ANK1: variants seen among roughly 807,000 people sequenced by gnomAD.
ANK1 encodes ankyrin-1.
In ANK1, 51 loss-of-function variants were observed where a neutral mutation model predicts 210.4. The ratio of observed to expected loss-of-function variants is 0.24; its 90% CI spans 0.19 to 0.31. The LOEUF (loss-of-function observed/expected upper bound fraction) is 0.31. Among genes scored for constraint, ANK1 ranks in the 10% least tolerant of loss-of-function variants. The pLI is 1.00. For missense variants in ANK1, 2,051 were observed against 2,504.4 expected, an observed-to-expected ratio of 0.82 and a Z score of 3.86; for synonymous variants, 967 against 1,025.9, an observed-to-expected ratio of 0.94 and a Z score of 1.10.
intron 1 of ANK1, among the ~76,000 whole-genome samples, chr8:41,888,604 C>T (rs1163003816): frequency 6.6e-6 from 1 of 152,240 alleles, no homozygotes; most frequent in East Asian, 1.9e-4. Context: ...ACAATCATGG[C>T]AGCAATGCCA....
In ANK1 at chr8:41,825,453, G is replaced by A. The variant is rs138810240; in HGVS notation, c.127-67316C>T. Reference sequence around the variant, plus strand: ...CACACTCTGGCCTCCCATGTCCACCGTACAGTCAGAAGTCGTTTTGGCCAC... The same window carrying A: ...CACACTCTGGCCTCCCATGTCCACCATACAGTCAGAAGTCGTTTTGGCCAC... On this transcript the variant is annotated intron_variant, in intron 1 of 42. Coordinates refer to the ANK1 transcript ENST00000265709. Among the ~76,000 whole-genome samples the A allele has an allele frequency of 1.1e-4, 17 of 152,254 alleles. No homozygotes were observed. The East Asian group carries it at 1.3e-3, about 12-fold the overall frequency.
At chr8:41,711,450 C>T (rs1826098799) in intron 16 of ANK1, among the ~76,000 whole-genome samples, 1 of 152,214 alleles carries the variant, frequency 6.6e-6, no homozygotes, top group South Asian at 2.1e-4. Context: ...GATCATAAGA[C>T]TAACCAAAGG....
chr8:41,720,719 G>A (rs549442138), intron 9 of ANK1, among the ~76,000 whole-genome samples: 2 of 152,228 alleles, frequency 1.3e-5, no homozygotes, highest in East Asian at 3.9e-4. Flanking sequence ...GAGGGGCACT[G>A]GGAGGGAGGA....
chr8:41,698,494 G>A (rs183933599), intron 23 of ANK1, among the ~76,000 whole-genome samples: 37 of 152,204 alleles, frequency 2.4e-4, no homozygotes, highest in African/African-American at 8.7e-4. Flanking sequence ...TTCAAATGGA[G>A]TAAATGGCCC....
chr8:41,834,785 C>T (rs556130603), intron 1 of ANK1, among the ~76,000 whole-genome samples: 2 of 152,344 alleles, frequency 1.3e-5, no homozygotes, highest in African/African-American at 4.8e-5. Context: ...GGCTCAGCAT[C>T]GCTGTCTGTC....
intron 2 of ANK1, among the ~76,000 whole-genome samples, chr8:41,739,712 G>A (rs1128383): frequency 1.3e-5 from 2 of 152,006 alleles, no homozygotes; most frequent in Non-Finnish European, 2.9e-5. Context: ...TTTGAGTTTT[G>A]TTGTTACTTT....
At chr8:41,848,820 T>C (rs954699932) in intron 1 of ANK1, among the ~76,000 whole-genome samples, 2 of 152,110 alleles carry the variant, frequency 1.3e-5, no homozygotes, top group African/African-American at 2.4e-5. Context: ...ACTGGATACA[T>C]CAAGTCCAAG....
chr8:41,711,343 A>C (rs565458566), intron 16 of ANK1, among the ~76,000 whole-genome samples: 1 of 152,340 alleles, frequency 6.6e-6, no homozygotes, highest in Non-Finnish European at 1.5e-5. Flanking sequence ...TTAAAAACTG[A>C]ATTCCCAGCC....
intron 39 of ANK1, chr8:41,665,548 C>T: frequency 6.1e-6 from 2 of 328,930 alleles, no homozygotes; most frequent in South Asian, 2.4e-5. Context: ...GAAAATAATA[C>T]AGTCCGAGAA....
intron 1 of ANK1, among the ~76,000 whole-genome samples, chr8:41,844,378 C>A (rs566795640): frequency 6.6e-6 from 1 of 152,164 alleles, no homozygotes; most frequent in African/African-American, 2.4e-5. Context: ...GGAACAGAGA[C>A]CCTCTGTACC....
At position 41,655,627 on chromosome 8, in the gene ANK1, C is replaced by G; in HGVS notation, c.*163G>C. The G allele has an allele frequency of 6.9e-7, 1 of 1,455,022 alleles. No homozygotes were observed. Among genetic ancestry groups the G allele is most frequent in the Non-Finnish European group, 9.6e-7 (1 of 1,040,152 alleles). 90.1% of individuals were successfully genotyped at this position (1,455,022 alleles called of 1,614,324 possible). A position where few individuals can be genotyped will look rare whatever the true frequency, so the allele number is the denominator to read the frequency against. On this transcript the variant is annotated 3_prime_UTR_variant, in exon 43 of 43. Transcript: ENST00000289734. ...GCCAAGAGGGGACTAGCAGGAGTCC[C>G]TTACAGAGGTCATGCCGTCAGCCCA...
intron 1 of ANK1, among the ~76,000 whole-genome samples, chr8:41,842,465 C>T (rs922758124): frequency 5.9e-5 from 9 of 151,898 alleles, no homozygotes; most frequent in African/African-American, 2.2e-4. Context: ...TGCCCTCCAG[C>T]CCAGGCAACA....
At chr8:41,703,662 A>T (rs955041943) in intron 20 of ANK1, among the ~76,000 whole-genome samples, 5 of 150,190 alleles carry the variant, frequency 3.3e-5, no homozygotes, top group African/African-American at 7.3e-5. Flanking sequence ...AATTAAAAAA[A>T]TTTTTTTTTG....
chr8:41,893,561 CA>C (rs1819857828), intron 1 of ANK1, among the ~76,000 whole-genome samples: 1 of 152,204 alleles, frequency 6.6e-6, no homozygotes, highest in Non-Finnish European at 1.5e-5. Flanking sequence ...CAACCATCGC[CA>C]AAGTTACAAC....
intron 1 of ANK1, among the ~76,000 whole-genome samples, chr8:41,808,762 T>A (rs1851350093): frequency 6.6e-6 from 1 of 152,152 alleles, no homozygotes; most frequent in African/African-American, 2.4e-5. Flanking sequence ...CTTCCTAAAT[T>A]TTTTTTGCTA....
At chr8:41,751,055 G>A (rs1837590455) in intron 2 of ANK1, among the ~76,000 whole-genome samples, 1 of 152,176 alleles carries the variant, frequency 6.6e-6, no homozygotes, top group Admixed American at 6.5e-5. Context: ...AGGGGACACA[G>A]GCCGGCACTG....
chr8:41,853,290 A>G (rs1244928446), intron 1 of ANK1, among the ~76,000 whole-genome samples: 3 of 152,244 alleles, frequency 2.0e-5, no homozygotes, highest in Non-Finnish European at 2.9e-5. Flanking sequence ...GATTTACTCT[A>G]CAAAAATGTC....
intron 3 of ANK1, among the ~76,000 whole-genome samples, chr8:41,732,715 G>T (rs1196758046): frequency 1.3e-5 from 2 of 149,836 alleles, no homozygotes; most frequent in African/African-American, 4.9e-5. Flanking sequence ...GTCCAGCCTT[G>T]TTTCGTTTTA....
In ANK1 at chr8:41,694,088, C is replaced by G. The variant is rs374102892; in HGVS notation, c.3342G>C (p.Pro1114=). 6.2e-7 allele frequency: 1 copy of G among 1,613,890 alleles called. No individual in the cohort carries two copies. Among genetic ancestry groups the G allele is most frequent in the South Asian group, 1.1e-5 (1 of 91,014 alleles). The change falls in exon 29 of 43, where the codon CCG becomes CCC. Residue 1114 remains proline (P), a synonymous_variant. Coordinates refer to ENST00000289734, the MANE Select transcript of ANK1 (RefSeq NM_000037.4). The surrounding 1 kb of genome is among the most constrained non-coding windows in gnomAD (Gnocchi z 5.7). Reference sequence around the variant, plus strand: ...CCAGGAGCTTAGTGACAAGCTCATCCGGGACAGGCTGGGCCTGTGAAATGA... The same window carrying G: ...CCAGGAGCTTAGTGACAAGCTCATCGGGGACAGGCTGGGCCTGTGAAATGA... ...VKLALQAQPV[P]DELVTKLLGN...
Sources: allele counts gnomAD v4.1 joint callset (sites outside exome capture counted in the v4.1 genomes callset), GRCh38; gene constraint gnomAD v4.1.1; non-coding constraint Gnocchi (gnomAD v3.1); transcripts MANE v1.5; gene names NCBI Gene and HGNC (gene_info 2026-07-23, HGNC 2026-07-21).